Variants in DTD1 observed in about 807,000 individuals in gnomAD.
DTD1 encodes D-tyrosyl-tRNA deacylase 1 homolog.
A neutral mutation model predicts 25.6 loss-of-function variants in DTD1; 13 were observed. The ratio of observed to expected loss-of-function variants is 0.51; its 90% CI spans 0.33 to 0.81. The LOEUF (loss-of-function observed/expected upper bound fraction) is 0.81, where lower values mean the gene tolerates loss of function less well. Among genes scored for constraint, DTD1 ranks in the 30% least tolerant of loss-of-function variants. DTD1 has a pLI of 0.02. For missense variants in DTD1, 193 were observed against 266.4 expected (o/e 0.72, Z 1.92); for synonymous variants, 110 against 103.6 (o/e 1.06, Z -0.37).
chr20:18,623,888 G>C (rs2060746277), intron 3 of DTD1, among the ~76,000 whole-genome samples: 1 of 151,684 alleles, frequency 6.6e-6, no homozygotes, highest in South Asian at 2.1e-4. Flanking sequence ...GTGTGTGTGT[G>C]TGTGTGTGTG....
chr20:18,670,197 G>A (rs560671731), intron 4 of DTD1, among the ~76,000 whole-genome samples: 4 of 152,258 alleles, frequency 2.6e-5, no homozygotes, highest in Admixed American at 6.5e-5. Flanking sequence ...TGGCTCATGC[G>A]TATAATCCCA....
rs367620773 is a variant in DTD1, at chr20:18,682,917, A to G, written c.477+54684A>G. 2.6e-5 allele frequency among the ~76,000 whole-genome samples: 4 copies of G among 152,360 alleles called. No homozygotes were observed. In the South Asian group the frequency reaches 8.3e-4, roughly 32 times the overall value. Reference sequence around the variant, plus strand: ...GTTCTGTCTGACCATGTGGCAAGCCATGGCTACTGCCCATGAATATGTATA... The same window carrying G: ...GTTCTGTCTGACCATGTGGCAAGCCGTGGCTACTGCCCATGAATATGTATA... On this transcript the variant is annotated intron_variant, in intron 4 of 5. Coordinates refer to ENST00000377452, the MANE Select transcript of DTD1 (RefSeq NM_080820.6).
At chr20:18,645,809 G>C (rs2060848101) in intron 4 of DTD1, among the ~76,000 whole-genome samples, 1 of 152,134 alleles carries the variant, frequency 6.6e-6, no homozygotes, top group Non-Finnish European at 1.5e-5. Context: ...GCTTTGATGG[G>C]TTCCTTTTTC....
At chr20:18,740,734 T>C (rs6081343) in intron 4 of DTD1, among the ~76,000 whole-genome samples, 47,271 of 152,132 alleles carry the variant, frequency 0.31, 8,144 homozygotes, top group South Asian at 0.43. Context: ...TATAGCTTAG[T>C]AGTAATGGGT....
intron 3 of DTD1, among the ~76,000 whole-genome samples, chr20:18,609,431 C>T (rs973372262): frequency 2.0e-5 from 3 of 152,086 alleles, no homozygotes; most frequent in Non-Finnish European, 2.9e-5. Context: ...GGATTACAGG[C>T]GTGAGCCACC....
chr20:18,652,508 C>T (rs1170042392), intron 4 of DTD1, among the ~76,000 whole-genome samples: 1 of 152,202 alleles, frequency 6.6e-6, no homozygotes, highest in African/African-American at 2.4e-5. Flanking sequence ...CAGGTGCAGC[C>T]TGGAGGGCCT....
intron 1 of DTD1, 112 bp downstream of exon 1, chr20:18,588,227 G>T: frequency 9.7e-7 from 1 of 1,031,110 alleles, no homozygotes; most frequent in East Asian, 3.5e-5. Flanking sequence ...GCCCCTCCGC[G>T]AGCCTGGTCC....
At chr20:18,630,309 CTATTA>C (rs1262653977) in intron 4 of DTD1, 1 of 151,980 alleles carries the variant, frequency 6.6e-6, no homozygotes, top group African/African-American at 2.4e-5. Flanking sequence ...TGATATAGTA[CTATTA>C]TATTAACTAT....
At chr20:18,646,098 C>G (rs888156334) in intron 4 of DTD1, among the ~76,000 whole-genome samples, 1 of 152,158 alleles carries the variant, frequency 6.6e-6, no homozygotes, top group African/African-American at 2.4e-5. Context: ...TGGGAGAGAC[C>G]AAAGCAGAAG....
chr20:18,723,809 A>G (rs1164877995), intron 4 of DTD1, among the ~76,000 whole-genome samples: 1 of 152,196 alleles, frequency 6.6e-6, no homozygotes, highest in East Asian at 1.9e-4. Flanking sequence ...TATTTTTGCT[A>G]CAGGTATCAA....
intron 5 of DTD1, among the ~76,000 whole-genome samples, chr20:18,750,024 G>A (rs570509098): frequency 2.0e-5 from 3 of 152,298 alleles, no homozygotes; most frequent in South Asian, 4.1e-4. Context: ...CAGCAGTGAC[G>A]GTGTCAGGCA....
intron 5 of DTD1, among the ~76,000 whole-genome samples, chr20:18,754,837 G>T (rs1321322217): frequency 6.6e-6 from 1 of 152,224 alleles, no homozygotes; most frequent in Non-Finnish European, 1.5e-5. Context: ...GTAGTGGGCG[G>T]TGGCTTTCAG....
Position 18,728,503 on chromosome 20 carries a change from T to C in DTD1, c.478-15597T>C, listed in dbSNP as rs188812651. On this transcript the variant is annotated intron_variant, in intron 4 of 5. Coordinates refer to ENST00000377452, the MANE Select transcript of DTD1 (RefSeq NM_080820.6). ...CAAGTCTGGGTGGGGTCTGGGAGTC[T>C]GCATTCTGACAGCACTTTGGAGATC... Among the ~76,000 whole-genome samples, 3 of 152,334 alleles carry C rather than the reference T, an allele frequency of 2.0e-5. No individual in the cohort carries two copies. The East Asian group carries it at 5.8e-4, about 29-fold the overall frequency.
chr20:18,709,443 C>T (rs1271226468), intron 4 of DTD1, among the ~76,000 whole-genome samples: 1 of 152,142 alleles, frequency 6.6e-6, no homozygotes, highest in African/African-American at 2.4e-5. Context: ...TACCTCCTTC[C>T]ATTTCTTTCT....
intron 4 of DTD1, among the ~76,000 whole-genome samples, chr20:18,680,094 G>C (rs532208676): frequency 1.3e-5 from 2 of 152,112 alleles, no homozygotes; most frequent in South Asian, 4.1e-4. Context: ...CTGGGGAGGG[G>C]AGTGTGCTTC....
intron 4 of DTD1, among the ~76,000 whole-genome samples, chr20:18,669,296 G>A (rs527993290): frequency 1.3e-5 from 2 of 152,280 alleles, no homozygotes; most frequent in African/African-American, 4.8e-5. Context: ...CACTGGTCAA[G>A]GGTCTGCCCT....
At chr20:18,761,299 C>T (rs564677241) in intron 5 of DTD1, among the ~76,000 whole-genome samples, 3 of 152,228 alleles carry the variant, frequency 2.0e-5, no homozygotes, top group East Asian at 1.9e-4. Context: ...AGAAATCATT[C>T]GTCTTCTGCG....
At chr20:18,598,735 T>C (rs1269646680) in intron 3 of DTD1, among the ~76,000 whole-genome samples, 1 of 151,606 alleles carries the variant, frequency 6.6e-6, no homozygotes, top group African/African-American at 2.4e-5. Context: ...GGTCTCGATC[T>C]CCTGACCTCG....
intron 4 of DTD1, among the ~76,000 whole-genome samples, chr20:18,735,664 C>T (rs947344247): frequency 3.9e-5 from 6 of 152,166 alleles, no homozygotes; most frequent in Non-Finnish European, 7.3e-5. Flanking sequence ...TGCATGGGCC[C>T]TTTGAGGATG....
Sources: gnomAD v4.1 joint callset for allele counts (sites outside exome capture counted in the v4.1 genomes callset) on GRCh38, gnomAD v4.1.1 for gene constraint, MANE v1.5 for transcripts, NCBI Gene and HGNC (gene_info 2026-07-23, HGNC 2026-07-21) for gene names.